Variants in RAI1 observed in about 807,000 individuals in gnomAD.
RAI1 encodes the protein retinoic acid-induced protein 1.
In RAI1, 9 loss-of-function variants were observed where a neutral mutation model predicts 123.8. The ratio of observed to expected loss-of-function variants is 0.07; its 90% CI spans 0.04 to 0.13. RAI1 has a LOEUF of 0.13. Ranked by LOEUF, RAI1 falls within the 10% of genes least tolerant of loss-of-function variation. The pLI is 1.00. For synonymous variants in RAI1, 1,231 were observed against 1,127.3 expected, an observed-to-expected ratio of 1.09 and a Z score of -1.84; for missense variants, 2,256 against 2,545.8, an observed-to-expected ratio of 0.89 and a Z score of 2.45.
chr17:17,798,918 A>C lies in RAI1; in HGVS notation c.5565+405A>C, dbSNP rs142112241. ...GGCTGCCCCGGGCGGTGCAAGAGCAAGTTGCCCACCCTCTGTTCCTGTCTC... is the reference window on the plus strand; with the variant it reads ...GGCTGCCCCGGGCGGTGCAAGAGCACGTTGCCCACCCTCTGTTCCTGTCTC... On this transcript the variant is annotated intron_variant, in intron 3 of 5. Transcript: ENST00000353383. Among the ~76,000 whole-genome samples, 35 of 152,304 alleles carry C rather than the reference A, an allele frequency of 2.3e-4. No homozygotes were observed. In the East Asian group the frequency reaches 6.8e-3, roughly 29 times the overall value.
rs756067024 is a variant in RAI1 at position 17,795,658 on chromosome 17, G to A, written c.2710G>A (p.Val904Met). The change falls in exon 3 of 6, where the codon GTG (valine) becomes ATG (methionine). Residue 904 changes from valine (V) to methionine (M), a missense_variant. Around this residue, in one of 7 missense-constraint regions of RAI1, gnomAD observed 566 missense variants for 616.0 expected, o/e 0.92. Coordinates refer to ENST00000353383, the MANE Select transcript of RAI1 (RefSeq NM_030665.4). The surrounding 1 kb of genome is among the most constrained non-coding windows in gnomAD (Gnocchi z 5.9). ...CCCACTCATCTGCACCAAGGAGGAG[G>A]TGGAGGAGGTGCTGGACTCCAAGGC... Reference protein sequence around the residue: ...KAPLICTKEEVEEVLDSKAGW... With the variant: ...KAPLICTKEEMEEVLDSKAGW... 21 of 1,612,966 alleles carry A rather than the reference G, an allele frequency of 1.3e-5. No homozygotes were observed. The highest frequency in any genetic ancestry group is 1.8e-5 in the Non-Finnish European group (21 of 1,179,740).
intron 4 of RAI1, among the ~76,000 whole-genome samples, chr17:17,807,744 AC>A (rs754537944): frequency 1.8e-4 from 27 of 152,158 alleles, no homozygotes; most frequent in African/African-American, 6.5e-4. Flanking sequence ...GCCCGCAGCT[AC>A]CCAGGCGTGC....
chr17:17,708,243 G>T (rs1003157411), intron 1 of RAI1, among the ~76,000 whole-genome samples: 1 of 152,174 alleles, frequency 6.6e-6, no homozygotes, highest in Non-Finnish European at 1.5e-5. Flanking sequence ...GGCAGCAGGA[G>T]GGGAGGCAGG....
Position 17,793,014 on chromosome 17 carries a change from G to C in RAI1, c.66G>C (p.Gln22His), listed in dbSNP as rs2032077562. 6.2e-7 allele frequency: 1 copy of C among 1,614,006 alleles called. No individual in the cohort carries two copies. Among genetic ancestry groups the C allele is most frequent in the Non-Finnish European group, 8.5e-7 (1 of 1,180,030 alleles). Reference sequence around the variant, plus strand: ...AACAGAACTACCAGCAGACCTCGCAGGAAACATCACGCCTAGAGAATTACA... The same window carrying C: ...AACAGAACTACCAGCAGACCTCGCACGAAACATCACGCCTAGAGAATTACA... ...GKQQNYQQTS[Q>H]ETSRLENYRQ... The change falls in exon 3 of 6, where the codon CAG becomes CAC. Residue 22 changes from glutamine to histidine, a missense_variant. By Grantham distance (24) the Gln-to-His change is conservative (BLOSUM62 0). This residue lies in a region of RAI1 where 336 missense variants were observed against 349.8 expected (regional missense o/e 0.96). Coordinates refer to ENST00000353383, the MANE Select transcript of RAI1 (RefSeq NM_030665.4).
intron 2 of RAI1, among the ~76,000 whole-genome samples, chr17:17,776,393 CAA>C (rs1318501859): frequency 6.6e-6 from 1 of 151,690 alleles, no homozygotes; most frequent in Non-Finnish European, 1.5e-5. Context: ...TTTTTTGAGA[CAA>C]AGTCTCACTC....
At chr17:17,786,602 G>C (rs2031836016) in intron 2 of RAI1, among the ~76,000 whole-genome samples, 1 of 152,252 alleles carries the variant, frequency 6.6e-6, no homozygotes, top group Non-Finnish European at 1.5e-5. Flanking sequence ...AGTTATCTGG[G>C]AGTGGTATTT....
At position 17,800,266 on chromosome 17, in the gene RAI1, A is replaced by G. The variant is rs113309017; in HGVS notation, c.5565+1753A>G. Among the ~76,000 whole-genome samples, 6 of 144,174 alleles carry G rather than the reference A, an allele frequency of 4.2e-5. No individual in the cohort carries two copies. The highest frequency in any genetic ancestry group is 9.0e-5 in the Non-Finnish European group (6 of 66,692). The allele number at this position is 144,174 out of a possible 152,430, so 94.6% of individuals were successfully genotyped here. A position where few individuals can be genotyped will look rare whatever the true frequency, so the allele number is the denominator to read the frequency against. ...TTCCCAGCGCCTTGAAACAGGTTCAAGTCTCTCCCGTCATCAAAAAATAAT... is the reference window on the plus strand; with the variant it reads ...TTCCCAGCGCCTTGAAACAGGTTCAGGTCTCTCCCGTCATCAAAAAATAAT... On this transcript the variant is annotated intron_variant, in intron 3 of 5. Transcript: ENST00000353383. This position sits in a 1 kb window ranked among gnomAD's most constrained non-coding sequence, Gnocchi z 4.7.
intron 1 of RAI1, among the ~76,000 whole-genome samples, chr17:17,688,479 A>G (rs1372252136): frequency 1.7e-5 from 2 of 116,782 alleles, no homozygotes; most frequent in African/African-American, 8.0e-5. Flanking sequence ...AGCAAGATTC[A>G]GTCTCAATGA....
chr17:17,686,568 C>CGTTTGTGTGTGTGT (rs750507452), intron 1 of RAI1, among the ~76,000 whole-genome samples: 2 of 124,430 alleles, frequency 1.6e-5, no homozygotes, highest in African/African-American at 3.0e-5. Flanking sequence ...TTCTTGAACC[C>CGTTTGTGTGTGTGT]GTGTGTGTGT....
At chr17:17,731,966 C>A (rs543161520) in intron 2 of RAI1, among the ~76,000 whole-genome samples, 71 of 151,820 alleles carry the variant, frequency 4.7e-4, no homozygotes, top group Non-Finnish European at 8.7e-4. Flanking sequence ...AGAGCCTTGG[C>A]ACAGGCTGGA....
At position 17,794,575 on chromosome 17, in the gene RAI1, A is replaced by G; in HGVS notation, c.1627A>G (p.Asn543Asp). 1 of 1,613,212 alleles carries G rather than the reference A, an allele frequency of 6.2e-7. No individual in the cohort carries two copies. Among genetic ancestry groups the G allele is most frequent in the South Asian group, 1.1e-5 (1 of 91,084 alleles). Residue 543 changes from asparagine to aspartate, a missense_variant, in exon 3 of 6, where the codon AAC becomes GAC. Physicochemically the swap from Asn to Asp is conservative, Grantham distance 23 (BLOSUM62 1). Coordinates refer to ENST00000353383, the MANE Select transcript of RAI1 (RefSeq NM_030665.4). ...GGCCCGTGGCAGCCCTGCCAGGGTC[A>G]ACAGCAACTCGAAGGCCAAGCCCGA... The part of the protein sequence containing the change: ...NQARGSPARV[N>D]SNSKAKPESV...
intron 3 of RAI1, 83 bp downstream of exon 3, chr17:17,798,596 A>G (rs1053144744): frequency 9.0e-6 from 14 of 1,563,240 alleles, no homozygotes; most frequent in Non-Finnish European, 1.2e-5. Flanking sequence ...CCTTGTTTCT[A>G]GTGCTACAGT....
At chr17:17,805,973 G>C (rs557316762) in intron 4 of RAI1, among the ~76,000 whole-genome samples, 2 of 152,360 alleles carry the variant, frequency 1.3e-5, no homozygotes, top group African/African-American at 4.8e-5. Context: ...AGCATGGCGT[G>C]GACAGTCCCA....
At chr17:17,696,299 G>A (rs1333446179) in intron 1 of RAI1, among the ~76,000 whole-genome samples, 1 of 151,828 alleles carries the variant, frequency 6.6e-6, no homozygotes, top group Non-Finnish European at 1.5e-5. Context: ...CACTATAAAA[G>A]GAGGACAGGC....
intron 2 of RAI1, among the ~76,000 whole-genome samples, chr17:17,729,009 C>T (rs1916184424): frequency 6.6e-6 from 1 of 152,170 alleles, no homozygotes; most frequent in Non-Finnish European, 1.5e-5. Context: ...GCTGTGATGT[C>T]CATTCACGTG....
intron 1 of RAI1, among the ~76,000 whole-genome samples, chr17:17,709,001 G>A (rs958440343): frequency 1.3e-5 from 2 of 152,234 alleles, no homozygotes; most frequent in Admixed American, 6.5e-5. Flanking sequence ...TTGCAGAGTG[G>A]GCCAGGACAT....
In RAI1 at chr17:17,809,137, G is replaced by A; in HGVS notation, c.5660-253G>A. 1 of 578,958 alleles carries A rather than the reference G, an allele frequency of 1.7e-6. No individual in the cohort carries two copies. Among genetic ancestry groups the A allele is most frequent in the Non-Finnish European group, 3.1e-6 (1 of 319,126 alleles). The allele number at this position is 578,958 out of a possible 1,614,324, so 35.9% of individuals were successfully genotyped here. ...CCTCAAGTGAGGAGGGGCGGCACGT[G>A]GAACTCAGGGGGAAAAGCTCTCCGC... On this transcript the variant is annotated intron_variant, in intron 4 of 5. Coordinates refer to ENST00000353383, the MANE Select transcript of RAI1 (RefSeq NM_030665.4). The surrounding 1 kb of genome is among the most constrained non-coding windows in gnomAD (Gnocchi z 4.9).
intron 4 of RAI1, among the ~76,000 whole-genome samples, chr17:17,806,088 A>T (rs1209245158): frequency 2.0e-5 from 3 of 152,238 alleles, no homozygotes; most frequent in Non-Finnish European, 4.4e-5. Context: ...ACGGACAGCA[A>T]AACTGTGGTT....
intron 1 of RAI1, among the ~76,000 whole-genome samples, chr17:17,723,445 A>G (rs1225057942): frequency 6.7e-6 from 1 of 149,410 alleles, no homozygotes; most frequent in South Asian, 2.2e-4. Flanking sequence ...CCTCACCCGC[A>G]GGCTCGTAAG....
Sources: allele counts gnomAD v4.1 joint callset (sites outside exome capture counted in the v4.1 genomes callset), GRCh38; gene constraint gnomAD v4.1.1; regional missense constraint gnomAD v4.1.1; non-coding constraint Gnocchi (gnomAD v3.1); transcripts MANE v1.5; gene names NCBI Gene and HGNC (gene_info 2026-07-23, HGNC 2026-07-21).